CSMD2: variants seen among roughly 807,000 people sequenced by gnomAD.
The protein encoded by CSMD2 is CUB and sushi domain-containing protein 2.
CSMD2 carries 130 observed loss-of-function variants against 398.5 expected under a neutral mutation model. The observed-to-expected ratio is 0.33, with a 90% CI of 0.28 to 0.38. The LOEUF is 0.38. CSMD2 is among the 10% of genes least tolerant of loss of function. The probability of loss-of-function intolerance (pLI) is 1.00; values close to 1 mark genes in which losing one functional copy is unlikely to be tolerated. For missense variants in CSMD2, 3,829 were observed against 4,764.9 expected, an observed-to-expected ratio of 0.80 and a Z score of 5.78; for synonymous variants, 1,828 against 1,908.5, an observed-to-expected ratio of 0.96 and a Z score of 1.10.
chr1:33,829,813 C>T (rs769782028), intron 6 of CSMD2, among the ~76,000 whole-genome samples: 36 of 150,944 alleles, frequency 2.4e-4, no homozygotes, highest in African/African-American at 6.6e-4. Context: ...CCGAATACTG[C>T]GCTTTTCCAA....
chr1:33,694,811 G>C (rs1476057690), intron 24 of CSMD2, among the ~76,000 whole-genome samples: 1 of 152,104 alleles, frequency 6.6e-6, no homozygotes, highest in Non-Finnish European at 1.5e-5. Flanking sequence ...CCTGTTCTGT[G>C]ACCAACCTCC....
chr1:33,847,314 T>G (rs981933704), intron 5 of CSMD2, among the ~76,000 whole-genome samples: 1 of 151,692 alleles, frequency 6.6e-6, no homozygotes, highest in Non-Finnish European at 1.5e-5. Context: ...TCTTTGCCTT[T>G]TCTGCTTGGA....
chr1:33,886,112 C>A (rs1415922443), intron 5 of CSMD2, among the ~76,000 whole-genome samples: 1 of 152,154 alleles, frequency 6.6e-6, no homozygotes, highest in African/African-American at 2.4e-5. Flanking sequence ...TAAAAGAATG[C>A]ATGAGTGGAA....
At chr1:33,698,095 AG>A (rs1326041273) in intron 24 of CSMD2, among the ~76,000 whole-genome samples, 1 of 152,184 alleles carries the variant, frequency 6.6e-6, no homozygotes, top group East Asian at 1.9e-4. Flanking sequence ...AGAGATGAAA[AG>A]GCCAAACAGA....
chr1:34,008,867 T>C (rs1647149497), intron 3 of CSMD2, among the ~76,000 whole-genome samples: 1 of 152,214 alleles, frequency 6.6e-6, no homozygotes, highest in Admixed American at 6.5e-5. Flanking sequence ...ACCATAACTA[T>C]TTGCTGAATG....
chr1:33,873,749 G>A (rs1297414619), intron 5 of CSMD2: 1 of 152,226 alleles, frequency 6.6e-6, no homozygotes, highest in Non-Finnish European at 1.5e-5. Flanking sequence ...ACCCAATTAA[G>A]CTACGCTTAC....
At chr1:33,770,571 C>T (rs899627673) in intron 13 of CSMD2, among the ~76,000 whole-genome samples, 1 of 152,230 alleles carries the variant, frequency 6.6e-6, no homozygotes, top group Non-Finnish European at 1.5e-5. Flanking sequence ...GCCAGCATCC[C>T]TGAGATTCAA....
At chr1:33,982,879 C>T (rs948477547) in intron 3 of CSMD2, among the ~76,000 whole-genome samples, 2 of 152,170 alleles carry the variant, frequency 1.3e-5, no homozygotes, top group Non-Finnish European at 2.9e-5. Flanking sequence ...GACATTTGGA[C>T]CAGACCCTAG....
intron 46 of CSMD2, 66 bp from the exon 47 acceptor site, chr1:33,583,896 G>A (rs2148737725): frequency 7.1e-7 from 1 of 1,409,656 alleles, no homozygotes; most frequent in Non-Finnish European, 9.9e-7. Context: ...CAATACATTT[G>A]CTTTTCCCAA....
At chr1:34,088,772 A>G (rs1658213483) in intron 2 of CSMD2, among the ~76,000 whole-genome samples, 1 of 152,222 alleles carries the variant, frequency 6.6e-6, no homozygotes, top group African/African-American at 2.4e-5. Flanking sequence ...TAGTCTTCCC[A>G]AATGTCCTAC....
At chr1:33,773,816 G>A (rs1296472413) in intron 12 of CSMD2, among the ~76,000 whole-genome samples, 1 of 152,152 alleles carries the variant, frequency 6.6e-6, no homozygotes, top group African/African-American at 2.4e-5. Context: ...AGAGTCATCA[G>A]GGGAGTTTTT....
chr1:33,572,519 T>C lies in CSMD2; in HGVS notation c.7749A>G (p.Pro2583=). 6.2e-7 allele frequency: 1 copy of C among 1,607,710 alleles called. No homozygotes were observed. The highest frequency in any genetic ancestry group is 8.5e-7 in the Non-Finnish European group (1 of 1,176,118). The part of the protein sequence containing the change: ...DTGLWSNRNV[P]PQCVPVTCPD... ...CCGAGGACTCACGGACACACTGTGG[T>C]GGGACATTGCGGTTGCTCCATAGGC... Residue 2583 remains proline, a synonymous_variant, in exon 50 of 71, where the codon CCA becomes CCG. Coordinates refer to ENST00000373381, the MANE Select transcript of CSMD2 (RefSeq NM_001281956.2).
intron 13 of CSMD2, 174 bp downstream of exon 13, chr1:33,772,395 T>C (rs1410719252): frequency 3.4e-6 from 2 of 589,436 alleles, no homozygotes; most frequent in Non-Finnish European, 6.0e-6. Context: ...TCGACATTCC[T>C]GCCAGAAATA....
chr1:33,855,125 C>T (rs776308701), intron 5 of CSMD2, among the ~76,000 whole-genome samples: 5 of 152,108 alleles, frequency 3.3e-5, no homozygotes, highest in Non-Finnish European at 7.4e-5. Context: ...GGGTGGATCC[C>T]CAGCTGCTTT....
chr1:34,002,968 A>T (rs1272140662), intron 3 of CSMD2, among the ~76,000 whole-genome samples: 1 of 152,252 alleles, frequency 6.6e-6, no homozygotes, highest in Non-Finnish European at 1.5e-5. Flanking sequence ...AAGCAGGTGC[A>T]GCTGCAGGGA....
chr1:33,518,422 C>T lies in CSMD2; in HGVS notation c.*53+1043G>A, dbSNP rs1016535056. On this transcript the variant is annotated intron_variant, in intron 70 of 70. Coordinates refer to ENST00000373381, the MANE Select transcript of CSMD2 (RefSeq NM_001281956.2). This position sits in a 1 kb window ranked among gnomAD's most constrained non-coding sequence, Gnocchi z 4.3. Reference sequence around the variant, plus strand: ...GTGTGTGTGTGCATGACCGTGTACACGTGTGGGTGTGTCTGCCCCCTGTCT... The same window carrying T: ...GTGTGTGTGTGCATGACCGTGTACATGTGTGGGTGTGTCTGCCCCCTGTCT... Among the ~76,000 whole-genome samples, 6 of 152,038 alleles carry T rather than the reference C, an allele frequency of 3.9e-5. No individual in the cohort carries two copies. The Middle Eastern group carries it at 0.014, about 345-fold the overall frequency.
intron 2 of CSMD2, among the ~76,000 whole-genome samples, chr1:34,063,279 TAACTC>T (rs1654728979): frequency 1.3e-5 from 2 of 152,172 alleles, no homozygotes; most frequent in Non-Finnish European, 2.9e-5. Context: ...CCCAAAGTCT[TAACTC>T]AGTTCAGCAT....
In CSMD2 at chr1:33,530,363, C is replaced by T. The variant is rs527681100; in HGVS notation, c.10171+2687G>A. Reference sequence around the variant, plus strand: ...AAAAATGCTCAGCATCACTAACCATCAGGGAAATGCAAGTGAAACCCACAA... The same window carrying T: ...AAAAATGCTCAGCATCACTAACCATTAGGGAAATGCAAGTGAAACCCACAA... On this transcript the variant is annotated intron_variant, in intron 64 of 70. Transcript: ENST00000373381. Among the ~76,000 whole-genome samples, 65 of 152,234 alleles carry T rather than the reference C, an allele frequency of 4.3e-4. 1 individual carries two copies. The South Asian group carries it at 0.013, about 31-fold the overall frequency.
At chr1:33,855,321 C>A (rs934956359) in intron 5 of CSMD2, among the ~76,000 whole-genome samples, 8 of 152,088 alleles carry the variant, frequency 5.3e-5, no homozygotes, top group Non-Finnish European at 8.8e-5. Flanking sequence ...GTCATGTGTC[C>A]CAAGCTGGGC....
Sources: allele counts gnomAD v4.1 joint callset (sites outside exome capture counted in the v4.1 genomes callset), GRCh38; gene constraint gnomAD v4.1.1; non-coding constraint Gnocchi (gnomAD v3.1); transcripts MANE v1.5; gene names NCBI Gene and HGNC (gene_info 2026-07-23, HGNC 2026-07-21).